IL16: variants seen among roughly 807,000 people sequenced by gnomAD.
IL16 encodes pro-interleukin-16.
A neutral mutation model predicts 110.1 loss-of-function variants in IL16; 67 were observed. The ratio of observed to expected loss-of-function variants is 0.61; its 90% CI spans 0.50 to 0.75. The LOEUF (loss-of-function observed/expected upper bound fraction) is 0.75, where lower values mean the gene tolerates loss of function less well. IL16 is among the 30% of genes least tolerant of loss of function. The pLI, the probability that IL16 is intolerant of heterozygous loss-of-function variation, is 0.00. For synonymous variants in IL16, 689 were observed against 662.9 expected (o/e 1.04, Z -0.61); for missense variants, 1,545 against 1,655.0 (o/e 0.93, Z 1.15).
intron 8 of IL16, 83 bp from the exon 9 acceptor site, chr15:81,282,556 A>G (rs564391550): frequency 1.3e-4 from 129 of 962,250 alleles, no homozygotes; most frequent in Middle Eastern, 9.4e-4. Flanking sequence ...CCAGGGGGCC[A>G]TGTCTGTGGC....
intron 6 of IL16, among the ~76,000 whole-genome samples, chr15:81,278,195 A>G (rs1899001617): frequency 6.6e-6 from 1 of 152,142 alleles, no homozygotes; most frequent in Admixed American, 6.5e-5. Flanking sequence ...CTCATTCAGC[A>G]TTGGTCCTGG....
At chr15:81,274,944 A>T (rs980392709) in intron 6 of IL16, among the ~76,000 whole-genome samples, 2 of 152,032 alleles carry the variant, frequency 1.3e-5, no homozygotes, top group Non-Finnish European at 2.9e-5. Flanking sequence ...TGTAGGATGA[A>T]GTGGGCCATT....
At chr15:81,203,675 G>A (rs889562108) in intron 1 of IL16, among the ~76,000 whole-genome samples, 44 of 152,206 alleles carry the variant, frequency 2.9e-4, no homozygotes, top group South Asian at 4.2e-4. Context: ...TATTCCATTG[G>A]TCTATATCTC....
chr15:81,283,538 C>A (rs1167438075), intron 9 of IL16, among the ~76,000 whole-genome samples: 1 of 152,162 alleles, frequency 6.6e-6, no homozygotes, highest in African/African-American at 2.4e-5. Flanking sequence ...ACAAAATCCC[C>A]ATGAATGTGT....
At chr15:81,293,680 G>A (rs546283147) in intron 12 of IL16, among the ~76,000 whole-genome samples, 88 of 152,276 alleles carry the variant, frequency 5.8e-4, no homozygotes, top group South Asian at 4.6e-3. Context: ...ACCACTTAAG[G>A]CAAGTACCTG....
intron 1 of IL16, among the ~76,000 whole-genome samples, chr15:81,205,667 A>G (rs1342533286): frequency 6.6e-6 from 1 of 152,188 alleles, no homozygotes; most frequent in Non-Finnish European, 1.5e-5. Flanking sequence ...GTAAGATTAC[A>G]CATTAAAATA....
At chr15:81,267,940 T>A (rs1898464448) in intron 4 of IL16, among the ~76,000 whole-genome samples, 1 of 152,124 alleles carries the variant, frequency 6.6e-6, no homozygotes, top group Non-Finnish European at 1.5e-5. Flanking sequence ...ACACACAGAA[T>A]AATGGTTGAC....
At chr15:81,232,042 G>GTTTTTTTTTTTTTT in intron 2 of IL16, among the ~76,000 whole-genome samples, 1,657 of 57,380 alleles carry the variant, frequency 0.029, 154 homozygotes, top group Middle Eastern at 0.041. Flanking sequence ...ATTTGTTCTT[G>GTTTTTTTTTTTTTT]TTTTTTTTTT....
At chr15:81,246,602 G>A (rs571897500) in intron 2 of IL16, among the ~76,000 whole-genome samples, 2 of 152,036 alleles carry the variant, frequency 1.3e-5, no homozygotes, top group East Asian at 1.9e-4. Flanking sequence ...TCCTGTACTG[G>A]TTCCAAGGTT....
At chr15:81,283,577 C>T (rs1899294489) in intron 9 of IL16, among the ~76,000 whole-genome samples, 1 of 152,174 alleles carries the variant, frequency 6.6e-6, no homozygotes, top group Admixed American at 6.5e-5. Context: ...GAAGCATCGT[C>T]TCAGAGAATG....
intron 14 of IL16, 147 bp downstream of exon 14, chr15:81,300,622 T>G (rs372155880): frequency 7.0e-6 from 4 of 568,264 alleles, no homozygotes; most frequent in African/African-American, 6.0e-5. Flanking sequence ...TCCATGTGTG[T>G]GCAGATGTCT....
intron 2 of IL16, among the ~76,000 whole-genome samples, chr15:81,240,905 C>A (rs1203060818): frequency 6.6e-6 from 1 of 151,944 alleles, no homozygotes; most frequent in Non-Finnish European, 1.5e-5. Flanking sequence ...AATGTCTATT[C>A]TTTTTTGTTG....
At chr15:81,242,805 A>G in intron 2 of IL16, among the ~76,000 whole-genome samples, 1 of 151,912 alleles carries the variant, frequency 6.6e-6, no homozygotes, top group African/African-American at 2.4e-5. Flanking sequence ...TCTTGGTGAA[A>G]ACGTTTAGTT....
rs774299225 is a variant in IL16 at position 81,303,015 on chromosome 15, A to ATTGTGTGTGTG, written c.3319-533_3319-532insTGTGTGTGTGT. 6.7e-6 allele frequency among the ~76,000 whole-genome samples: 1 copy of ATTGTGTGTGTG among 150,038 alleles called. No individual in the cohort carries two copies. Among genetic ancestry groups the ATTGTGTGTGTG allele is most frequent in the South Asian group, 2.1e-4 (1 of 4,754 alleles). ...GTCTAGGCTAGGAAGTACCGTAGTA[A>ATTGTGTGTGTG]TGTGTGTGTGTGTGTGTGTGTGTGT... On this transcript the variant is annotated intron_variant, in intron 15 of 18. Coordinates refer to ENST00000683961, the MANE Select transcript of IL16 (RefSeq NM_172217.5). The surrounding 1 kb of genome is among the most constrained non-coding windows in gnomAD (Gnocchi z 4.1).
At chr15:81,210,406 T>C (rs919915263) in intron 1 of IL16, among the ~76,000 whole-genome samples, 3 of 152,212 alleles carry the variant, frequency 2.0e-5, no homozygotes, top group Non-Finnish European at 2.9e-5. Context: ...AGAAGGACAC[T>C]GGTAGTTTGA....
At chr15:81,195,611 G>A (rs2093474092), upstream of IL16, among the ~76,000 whole-genome samples, 1 of 152,158 alleles carries the variant, frequency 6.6e-6, no homozygotes, top group Admixed American at 6.5e-5. Flanking sequence ...AGCAGCAGCG[G>A]CTAGATCTTT....
At chr15:81,256,474 C>T (rs1206180516) in intron 2 of IL16, among the ~76,000 whole-genome samples, 1 of 151,934 alleles carries the variant, frequency 6.6e-6, no homozygotes, top group African/African-American at 2.4e-5. Context: ...GCTGGGACCA[C>T]AGGTGCATGC....
At chr15:81,189,226 C>T (rs987237579) in intron 1 of IL16, among the ~76,000 whole-genome samples, 7 of 150,832 alleles carry the variant, frequency 4.6e-5, no homozygotes, top group African/African-American at 9.8e-5. Context: ...TGGGTTCAAG[C>T]GATTCTTTTG....
At chr15:81,306,260 C>T (rs1900552941) in intron 17 of IL16, 94 bp downstream of exon 17, 1 of 1,534,458 alleles carries the variant, frequency 6.5e-7, no homozygotes, top group African/African-American at 1.4e-5. Flanking sequence ...AATTTGTGAC[C>T]CCAAGAATGT....
Sources: gnomAD v4.1 joint callset for allele counts (sites outside exome capture counted in the v4.1 genomes callset) on GRCh38, gnomAD v4.1.1 for gene constraint, Gnocchi (gnomAD v3.1) non-coding constraint, MANE v1.5 for transcripts, NCBI Gene and HGNC (gene_info 2026-07-23, HGNC 2026-07-21) for gene names.